Variants in C2CD3 observed in about 807,000 individuals in gnomAD.
C2CD3 encodes the protein C2 domain containing 3 centriole elongation regulator.
In C2CD3, 148 loss-of-function variants were observed where a neutral mutation model predicts 234.0. That is an observed-to-expected ratio of 0.63 (90% CI 0.55 to 0.72). The LOEUF (loss-of-function observed/expected upper bound fraction) is 0.72. C2CD3 is among the 30% of genes least tolerant of loss of function. The pLI is 0.00. For missense variants in C2CD3, 2,577 were observed against 2,811.5 expected, an observed-to-expected ratio of 0.92 and a Z score of 1.89; for synonymous variants, 1,000 against 1,035.4, an observed-to-expected ratio of 0.97 and a Z score of 0.66.
At chr11:74,102,329 C>T (rs1956345859) in intron 14 of C2CD3, among the ~76,000 whole-genome samples, 1 of 152,154 alleles carries the variant, frequency 6.6e-6, no homozygotes, top group Non-Finnish European at 1.5e-5. Flanking sequence ...CAGTATGTGC[C>T]AGGCAATGTG....
At chr11:74,117,474 T>C (rs1957063843) in intron 9 of C2CD3, among the ~76,000 whole-genome samples, 1 of 148,394 alleles carries the variant, frequency 6.7e-6, no homozygotes. Context: ...TTTTTCTAAG[T>C]GAAGTAACTC....
chr11:74,047,396 T>C (rs998894497), intron 28 of C2CD3, among the ~76,000 whole-genome samples: 15 of 152,350 alleles, frequency 9.8e-5, no homozygotes, highest in African/African-American at 3.6e-4. Flanking sequence ...ACTGTGGGTA[T>C]GGTCAAAGTG....
Position 74,133,558 on chromosome 11 carries a change from C to T in C2CD3, c.956-1G>A. 1 of 1,613,886 alleles carries T rather than the reference C, an allele frequency of 6.2e-7. No homozygotes were observed. Among genetic ancestry groups the T allele is most frequent in the Non-Finnish European group, 8.5e-7 (1 of 1,179,948 alleles). ...AGTTTATTGCCTTGTTCTAACAGAGCTGAAGAGGGTAAATGCAGAAAACAG... is the reference window on the plus strand; with the variant it reads ...AGTTTATTGCCTTGTTCTAACAGAGTTGAAGAGGGTAAATGCAGAAAACAG... On this transcript the variant is annotated splice_acceptor_variant, in intron 5 of 32. Coordinates refer to ENST00000334126, the MANE Select transcript of C2CD3 (RefSeq NM_001286577.2). LOFTEE classifies it high-confidence loss of function.
chr11:74,054,551 C>G (rs1322428541), intron 26 of C2CD3, 56 bp downstream of exon 26: 3 of 483,360 alleles, frequency 6.2e-6, no homozygotes, highest in African/African-American at 2.4e-5. Flanking sequence ...AGATTGTTAA[C>G]AGGATGTGAG....
intron 5 of C2CD3, among the ~76,000 whole-genome samples, chr11:74,136,649 A>G (rs1030111390): frequency 3.3e-5 from 5 of 152,216 alleles, no homozygotes; most frequent in Admixed American, 2.0e-4. Context: ...TAGCTAGCAC[A>G]TAATCAGTGC....
Position 74,113,307 on chromosome 11 carries a change from G to A in C2CD3, c.1843+473C>T, listed in dbSNP as rs377593085. 2.5e-4 allele frequency: 39 copies of A among 155,340 alleles called. No individual in the cohort carries two copies. In the South Asian group the frequency reaches 4.7e-3, roughly 19 times the overall value. The allele number at this position is 155,340 out of a possible 1,614,324, so 9.6% of individuals were successfully genotyped here. On this transcript the variant is annotated intron_variant, in intron 11 of 32. Transcript: ENST00000334126. ...CTGGGGGAAGAGGGAAATGCGAAGC[G>A]AATGCTAGTAAGTATGGGGTTTCTT...
chr11:74,113,707 T>G, intron 11 of C2CD3, 73 bp downstream of exon 11: 10 of 792,652 alleles, frequency 1.3e-5, no homozygotes, highest in African/African-American at 1.9e-5. Context: ...AAAAGTCAAA[T>G]GAGTAATTAG....
intron 32 of C2CD3, among the ~76,000 whole-genome samples, chr11:74,022,968 G>A (rs1388152174): frequency 1.3e-5 from 2 of 152,226 alleles, no homozygotes; most frequent in African/African-American, 4.8e-5. Context: ...TTATTCTACA[G>A]TACAACCACC....
intron 3 of C2CD3, among the ~76,000 whole-genome samples, chr11:74,155,217 G>C (rs563510042): frequency 6.6e-6 from 1 of 152,276 alleles, no homozygotes; most frequent in Admixed American, 6.5e-5. Flanking sequence ...AGTCTCCACT[G>C]CTCTATTAAA....
At chr11:74,027,090 T>G (rs1359986392) in intron 32 of C2CD3, among the ~76,000 whole-genome samples, 2 of 152,126 alleles carry the variant, frequency 1.3e-5, no homozygotes, top group African/African-American at 4.8e-5. Context: ...TAGGTCAGTA[T>G]GTGAAGCTCT....
In C2CD3 at chr11:74,042,164, A is replaced by G; in HGVS notation, c.5550T>C (p.Ile1850=). Residue 1850 remains isoleucine, a synonymous_variant, in exon 29 of 33, where the codon ATT becomes ATC. Coordinates refer to ENST00000334126, the MANE Select transcript of C2CD3 (RefSeq NM_001286577.2). Reference sequence around the variant, plus strand: ...GATGCAGGGATTCATGAAACCGGCGAATGTTCTGCACATGCTCTTCATGGC... The same window carrying G: ...GATGCAGGGATTCATGAAACCGGCGGATGTTCTGCACATGCTCTTCATGGC... ...ASRHEEHVQN[I]RRFHESLHLQ... is the part of the protein sequence containing the mutation. 6.2e-7 allele frequency: 1 copy of G among 1,613,504 alleles called. No homozygotes were observed.
At chr11:74,083,213 T>C (rs189683924) in intron 22 of C2CD3, among the ~76,000 whole-genome samples, 1,798 of 152,218 alleles carry the variant, frequency 0.012, 14 homozygotes, top group Middle Eastern at 0.051. Flanking sequence ...ATTTAATAAA[T>C]AGTGCTGGGA....
chr11:74,013,436 T>C lies in C2CD3; in HGVS notation c.7011A>G (p.Glu2337=). 2 of 1,403,792 alleles carry C rather than the reference T, an allele frequency of 1.4e-6. No homozygotes were observed. The highest frequency in any genetic ancestry group is 1.5e-5 in the South Asian group (1 of 67,178). 87.0% of individuals were successfully genotyped at this position (1,403,792 alleles called of 1,614,324 possible). The stretch of plus-strand genomic sequence containing the variant: ...AAAATATCCGTGCAATCCTGAGAGT[T>C]TCTTCCTCAGGCAGGTTGAGGGGGA... ...NSLPLNLPEE[E]TLRIARIFSS... The change falls in exon 33 of 33, where the codon GAA becomes GAG. Residue 2337 remains glutamate, a synonymous_variant. Transcript: ENST00000334126.
chr11:74,048,363 T>C, intron 27 of C2CD3, 25 bp from the exon 28 acceptor site: 2 of 1,611,820 alleles, frequency 1.2e-6, no homozygotes, highest in Non-Finnish European at 1.7e-6. Flanking sequence ...AGAAAAATGG[T>C]ACACTTGTCA....
At position 74,139,734 on chromosome 11, in the gene C2CD3, T is replaced by C. The variant is rs1361151610; in HGVS notation, c.578A>G (p.Gln193Arg). Residue 193 changes from glutamine (Q) to arginine (R), a missense_variant, in exon 4 of 33, where the codon CAG becomes CGG. Physicochemically the swap from Gln to Arg is conservative, Grantham distance 43. Coordinates refer to ENST00000334126, the MANE Select transcript of C2CD3 (RefSeq NM_001286577.2). Reference sequence around the variant, plus strand: ...GGGTTCAGTATTCTCTCTGAATCCCTGCTTAGATAAAAGCACATTTTCTGT... The same window carrying C: ...GGGTTCAGTATTCTCTCTGAATCCCCGCTTAGATAAAAGCACATTTTCTGT... The part of the protein sequence containing the change: ...DMTENVLLSK[Q>R]GFRENTEPSS... The C allele has an allele frequency of 6.2e-7, 1 of 1,613,418 alleles. No homozygotes were observed. Among genetic ancestry groups the C allele is most frequent in the East Asian group, 2.2e-5 (1 of 44,882 alleles).
chr11:74,085,853 A>G lies in C2CD3; in HGVS notation c.3675T>C (p.Phe1225=). Residue 1225 remains phenylalanine, a synonymous_variant, in exon 21 of 33, where the codon TTT becomes TTC. Transcript: ENST00000334126. The part of the protein sequence containing the change: ...ALAEREPALQ[F]SATVGVNASV... The stretch of plus-strand genomic sequence containing the variant: ...AGGCATTGACCCCGACTGTGGCACT[A>G]AACTGTAGAGCGGGTTCCCGTTCAG... 1 of 1,614,076 alleles carries G rather than the reference A, an allele frequency of 6.2e-7. No individual in the cohort carries two copies.
intron 13 of C2CD3, among the ~76,000 whole-genome samples, chr11:74,105,043 G>A (rs1956457799): frequency 6.6e-6 from 1 of 152,142 alleles, no homozygotes; most frequent in Non-Finnish European, 1.5e-5. Flanking sequence ...ACCAAGAAGA[G>A]AGACAAGGCT....
chr11:74,065,715 A>T (rs1478044836), intron 24 of C2CD3, among the ~76,000 whole-genome samples: 1 of 151,640 alleles, frequency 6.6e-6, no homozygotes, highest in Non-Finnish European at 1.5e-5. Context: ...CATACACACC[A>T]TGGAATACTA....
In C2CD3 at chr11:74,168,616, G is replaced by A. The variant is rs752526925; in HGVS notation, c.56-3C>T. The A allele has an allele frequency of 3.1e-6, 5 of 1,607,002 alleles. No homozygotes were observed. Among genetic ancestry groups the A allele is most frequent in the South Asian group, 2.2e-5 (2 of 89,918 alleles). On this transcript the variant is annotated splice_region_variant and splice_polypyrimidine_tract_variant and intron_variant, in intron 1 of 32. Coordinates refer to ENST00000334126, the MANE Select transcript of C2CD3 (RefSeq NM_001286577.2). ...AGATGGAGAAATGTCACTTAAACCT[G>A]TAGAGGAATCCAAGAAAACTGAGTC...
Sources: gnomAD v4.1 joint callset for allele counts (sites outside exome capture counted in the v4.1 genomes callset) on GRCh38, gnomAD v4.1.1 for gene constraint, MANE v1.5 for transcripts, NCBI Gene and HGNC (gene_info 2026-07-23, HGNC 2026-07-21) for gene names.